Variants in KCNQ1 observed in about 807,000 individuals in gnomAD.
KCNQ1 encodes the protein potassium voltage-gated channel subfamily Q member 1.
Under a neutral mutation model 72.4 loss-of-function variants are expected in KCNQ1, and 49 were observed. The ratio of observed to expected loss-of-function variants is 0.68; its 90% CI spans 0.54 to 0.86. The LOEUF is 0.86. Ranked by LOEUF, KCNQ1 falls within the 40% of genes least tolerant of loss-of-function variation. The pLI, the probability that KCNQ1 is intolerant of heterozygous loss-of-function variation, is 0.00. For missense variants in KCNQ1, 790 were observed against 945.1 expected, an observed-to-expected ratio of 0.84 and a Z score of 2.15; for synonymous variants, 450 against 412.6, an observed-to-expected ratio of 1.09 and a Z score of -1.10.
intron 11 of KCNQ1, among the ~76,000 whole-genome samples, chr11:2,706,249 C>T (rs1250017924): frequency 6.6e-6 from 1 of 152,242 alleles, no homozygotes; most frequent in Non-Finnish European, 1.5e-5. Context: ...AAGACTAGGC[C>T]TTGCAGCCTC....
In KCNQ1 at chr11:2,627,886, G is replaced by C. The variant is rs921885629; in HGVS notation, c.1394-34075G>C. 1.3e-5 allele frequency: 5 copies of C among 398,570 alleles called. No individual in the cohort carries two copies. The highest frequency in any genetic ancestry group is 2.2e-5 in the Non-Finnish European group (5 of 226,252). The allele number at this position is 398,570 out of a possible 1,614,324, so 24.7% of individuals were successfully genotyped here. On this transcript the variant is annotated intron_variant, in intron 10 of 15. Transcript: ENST00000155840. The surrounding 1 kb of genome is among the most constrained non-coding windows in gnomAD (Gnocchi z 4.9). ...CTGCCTCAGCCTCCTGAGTAGCTGG[G>C]ACCACAGTCATGCACCCCCATGCCC...
At chr11:2,705,249 C>T (rs1307786292) in intron 11 of KCNQ1, among the ~76,000 whole-genome samples, 1 of 152,220 alleles carries the variant, frequency 6.6e-6, no homozygotes, top group Non-Finnish European at 1.5e-5. Context: ...AACGTGAGGC[C>T]AGACGGGTGG....
intron 11 of KCNQ1, chr11:2,667,778 A>C (rs957087387): frequency 2.5e-6 from 1 of 398,718 alleles, no homozygotes. Context: ...GGCCAGGGCT[A>C]TCCACCTAAT....
At chr11:2,763,335 G>A (rs1306311275) in intron 11 of KCNQ1, among the ~76,000 whole-genome samples, 2 of 150,620 alleles carry the variant, frequency 1.3e-5, no homozygotes, top group African/African-American at 4.9e-5. Flanking sequence ...AGGCTGAAGT[G>A]AGAGGATCAC....
intron 10 of KCNQ1, chr11:2,628,784 C>G (rs1265908218): frequency 2.5e-6 from 1 of 398,262 alleles, no homozygotes; most frequent in African/African-American, 2.1e-5. Context: ...ATCTTATTCA[C>G]TTTTCTCTAC....
In KCNQ1 at chr11:2,690,940, G is replaced by T. The variant is rs754407230; in HGVS notation, c.1514+28859G>T. ...CCAGCGGCTTTAAGCCAACCTGAAA[G>T]GTTCATTTGGGAGTCACGGGTATGT... On this transcript the variant is annotated intron_variant, in intron 11 of 15. Transcript: ENST00000155840. The surrounding 1 kb of genome is among the most constrained non-coding windows in gnomAD (Gnocchi z 5.1). 68 of 398,444 alleles carry T rather than the reference G, an allele frequency of 1.7e-4. No individual in the cohort carries two copies. Among genetic ancestry groups the T allele is most frequent in the Middle Eastern group, 6.2e-4 (1 of 1,612 alleles). 24.7% of individuals were successfully genotyped at this position (398,444 alleles called of 1,614,324 possible). A position where few individuals can be genotyped will look rare whatever the true frequency, so the allele number is the denominator to read the frequency against.
chr11:2,662,116 G>C (rs1241875848), intron 11 of KCNQ1, 35 bp downstream of exon 11: 1 of 1,613,588 alleles, frequency 6.2e-7, no homozygotes, highest in Non-Finnish European at 8.5e-7. Flanking sequence ...GGCTGGGCTG[G>C]AGGGGACTGG....
At position 2,664,615 on chromosome 11, in the gene KCNQ1, A is replaced by G. The variant is rs1850030920; in HGVS notation, c.1514+2534A>G. The G allele has an allele frequency of 1.0e-5, 4 of 398,646 alleles. No individual in the cohort carries two copies. The East Asian group carries it at 1.1e-4, about 11-fold the overall frequency. 24.7% of individuals were successfully genotyped at this position (398,646 alleles called of 1,614,324 possible). On this transcript the variant is annotated intron_variant, in intron 11 of 15. Coordinates refer to ENST00000155840, the MANE Select transcript of KCNQ1 (RefSeq NM_000218.3). The surrounding 1 kb of genome is among the most constrained non-coding windows in gnomAD (Gnocchi z 5.1). ...CCTCCACCTCCTGCACAGCCCGCCC[A>G]GTGATGCCCATAATTAAATTCGGCT...
intron 6 of KCNQ1, among the ~76,000 whole-genome samples, chr11:2,577,147 C>T (rs1324508687): frequency 3.3e-5 from 5 of 152,218 alleles, no homozygotes; most frequent in East Asian, 1.9e-4. Context: ...GCTGGGTCTC[C>T]GTTTGTGGAC....
intron 11 of KCNQ1, among the ~76,000 whole-genome samples, chr11:2,751,309 C>G (rs1307290108): frequency 6.6e-6 from 1 of 152,198 alleles, no homozygotes; most frequent in Non-Finnish European, 1.5e-5. Context: ...CATCTCCCAC[C>G]CCCCACTTGC....
intron 11 of KCNQ1, chr11:2,688,756 C>T: frequency 2.5e-6 from 1 of 398,878 alleles, no homozygotes; most frequent in Non-Finnish European, 4.4e-6. Flanking sequence ...GTTACTGTGG[C>T]AGTTTCCACC....
Position 2,828,326 on chromosome 11 carries a change from A to T in KCNQ1, c.1795-19441A>T, listed in dbSNP as rs1054376399. ...CTGGTTAAACGTGATGGGTAAACAC[A>T]TGTCTATTTCAGCTTCTTTGAATCC... On this transcript the variant is annotated intron_variant, in intron 15 of 15. Transcript: ENST00000155840. The surrounding 1 kb of genome is among the most constrained non-coding windows in gnomAD (Gnocchi z 5.3). Among the ~76,000 whole-genome samples the T allele has an allele frequency of 6.6e-6, 1 of 152,240 alleles. No homozygotes were observed. The highest frequency in any genetic ancestry group is 1.5e-5 in the Non-Finnish European group (1 of 68,038).
rs532728814 is a variant in KCNQ1, at chr11:2,481,548, C to A, written c.386+36064C>A. ...CTACCAGTCCATGGCCTGTTAGGAA[C>A]CAGGCTGCACAGCAGGAGGTGAGTG... On this transcript the variant is annotated intron_variant, in intron 1 of 15. Transcript: ENST00000155840. The surrounding 1 kb of genome is among the most constrained non-coding windows in gnomAD (Gnocchi z 4.6). Among the ~76,000 whole-genome samples, 1 of 152,188 alleles carries A rather than the reference C, an allele frequency of 6.6e-6. No homozygotes were observed. Among genetic ancestry groups the A allele is most frequent in the African/African-American group, 2.4e-5 (1 of 41,442 alleles).
In KCNQ1 at chr11:2,495,482, A is replaced by G. The variant is rs1234048346; in HGVS notation, c.387-32446A>G. ...TTCTGATATGGGCATTTAGTGCTAT[A>G]AATTTGCCTCTAAACACTGCTTTAG... is the stretch of plus-strand genomic sequence containing the variant. On this transcript the variant is annotated intron_variant, in intron 1 of 15. Coordinates refer to ENST00000155840, the MANE Select transcript of KCNQ1 (RefSeq NM_000218.3). The surrounding 1 kb of genome is among the most constrained non-coding windows in gnomAD (Gnocchi z 4.6). Among the ~76,000 whole-genome samples, 1 of 152,196 alleles carries G rather than the reference A, an allele frequency of 6.6e-6. No individual in the cohort carries two copies. Among genetic ancestry groups the G allele is most frequent in the African/African-American group, 2.4e-5 (1 of 41,456 alleles).
chr11:2,714,101 C>T (rs1216192108), intron 11 of KCNQ1, among the ~76,000 whole-genome samples: 1 of 152,248 alleles, frequency 6.6e-6, no homozygotes, highest in Non-Finnish European at 1.5e-5. Flanking sequence ...TTCCGAGCCT[C>T]TCCTGTTGCT....
intron 15 of KCNQ1, among the ~76,000 whole-genome samples, chr11:2,797,845 G>A (rs188327675): frequency 6.6e-6 from 1 of 152,140 alleles, no homozygotes; most frequent in African/African-American, 2.4e-5. Flanking sequence ...AAGCCAGCCG[G>A]TTCCCCCAGG....
At chr11:2,575,979 C>T (rs868617344) in intron 6 of KCNQ1, among the ~76,000 whole-genome samples, 3 of 152,238 alleles carry the variant, frequency 2.0e-5, no homozygotes, top group Admixed American at 6.5e-5. Context: ...AGACTCCAGG[C>T]GTGCCCGGTG....
intron 15 of KCNQ1, among the ~76,000 whole-genome samples, chr11:2,821,085 G>A (rs554775678): frequency 3.3e-5 from 5 of 152,224 alleles, no homozygotes; most frequent in South Asian, 2.1e-4. Context: ...GGCCAGGTCC[G>A]GCCTGCTCTG....
chr11:2,742,066 G>A lies in KCNQ1; in HGVS notation c.1515-26778G>A, dbSNP rs115469959. ...TGCAAGACACTCTGCTGGGTGCTGCGACATGGTTAGGTTTTCTCCACATTA... is the reference window on the plus strand; with the variant it reads ...TGCAAGACACTCTGCTGGGTGCTGCAACATGGTTAGGTTTTCTCCACATTA... On this transcript the variant is annotated intron_variant, in intron 11 of 15. Transcript: ENST00000155840. 5.1e-3 allele frequency among the ~76,000 whole-genome samples: 780 copies of A among 152,364 alleles called. 7 individuals are homozygous for A. The highest frequency in any genetic ancestry group is 0.018 in the African/African-American group (748 of 41,582).
Sources: gnomAD v4.1 joint callset for allele counts (sites outside exome capture counted in the v4.1 genomes callset) on GRCh38, gnomAD v4.1.1 for gene constraint, Gnocchi (gnomAD v3.1) non-coding constraint, MANE v1.5 for transcripts, NCBI Gene and HGNC (gene_info 2026-07-23, HGNC 2026-07-21) for gene names.